TRPC6: variants seen among roughly 807,000 people sequenced by gnomAD.
The protein encoded by TRPC6 is short transient receptor potential channel 6.
A neutral mutation model predicts 90.7 loss-of-function variants in TRPC6; 55 were observed. The ratio of observed to expected loss-of-function variants is 0.61; its 90% confidence interval spans 0.49 to 0.76. The LOEUF (loss-of-function observed/expected upper bound fraction) is 0.76, where lower values mean the gene tolerates loss of function less well. Among genes scored for constraint, TRPC6 ranks in the 30% least tolerant of loss-of-function variants. The pLI, the probability that TRPC6 is intolerant of heterozygous loss-of-function variation, is 0.00. For missense variants in TRPC6, 989 were observed against 1,122.7 expected, an observed-to-expected ratio of 0.88 and a Z score of 1.70; for synonymous variants, 393 against 393.0, an observed-to-expected ratio of 1.00 and a Z score of 0.00.
intron 1 of TRPC6, among the ~76,000 whole-genome samples, chr11:101,581,628 CAA>C (rs1862198542): frequency 6.6e-6 from 1 of 152,196 alleles, no homozygotes; most frequent in Non-Finnish European, 1.5e-5. Context: ...CAAGTTTAAC[CAA>C]TAAAAATTCC....
chr11:101,476,290 T>TATTTACAGTA lies in TRPC6; in HGVS notation c.1744+10_1744+11insTACTGTAAAT. The TATTTACAGTA allele has an allele frequency of 1.2e-6, 2 of 1,611,746 alleles. No individual in the cohort carries two copies. Among genetic ancestry groups the TATTTACAGTA allele is most frequent in the South Asian group, 2.2e-5 (2 of 91,008 alleles). ...GCATTTTTATTTATATTGACTGTAC[T>TATTTACAGTA]GTAAACTCACCCAAATTGTAGTATT... On this transcript the variant is annotated intron_variant, in intron 6 of 12. Transcript: ENST00000344327.
intron 1 of TRPC6, among the ~76,000 whole-genome samples, chr11:101,549,961 AG>A (rs1265443670): frequency 3.3e-5 from 5 of 151,580 alleles, no homozygotes; most frequent in Non-Finnish European, 5.9e-5. Flanking sequence ...TGATATCAAA[AG>A]TATACAAGAC....
intron 1 of TRPC6, among the ~76,000 whole-genome samples, chr11:101,512,088 AC>A (rs1244063705): frequency 3.9e-5 from 6 of 152,266 alleles, no homozygotes; most frequent in Non-Finnish European, 8.8e-5. Flanking sequence ...GAGAGTGAGC[AC>A]CCATCTTCAC....
At chr11:101,460,007 T>C (rs1342475443) in intron 10 of TRPC6, among the ~76,000 whole-genome samples, 2 of 152,216 alleles carry the variant, frequency 1.3e-5, no homozygotes, top group African/African-American at 4.8e-5. Flanking sequence ...AATGAATTGC[T>C]GAAGGGGCAG....
At position 101,504,268 on chromosome 11, in the gene TRPC6, A is replaced by G; in HGVS notation, c.701T>C (p.Ile234Thr). The change falls in exon 2 of 13, where the codon ATT becomes ACT. Residue 234 changes from isoleucine to threonine, a missense_variant. Ile to Thr is a moderately conservative substitution (Grantham distance 89). This residue lies in a region of TRPC6 where 486 missense variants were observed against 591.9 expected (regional missense o/e 0.82). Coordinates refer to ENST00000344327, the MANE Select transcript of TRPC6 (RefSeq NM_004621.6). ...ILAAHCQEYEIVHTLLRKGAR... is the reference protein window; with the variant it reads ...ILAAHCQEYETVHTLLRKGAR... ...ACCCTTCCGCAGGAGGGTATGCACA[A>G]TTTCATATTCCTGGCAGTGGGCAGC... The G allele has an allele frequency of 6.2e-7, 1 of 1,613,276 alleles. No individual in the cohort carries two copies. The highest frequency in any genetic ancestry group is 8.5e-7 in the Non-Finnish European group (1 of 1,179,272).
In TRPC6 at chr11:101,583,416, C is replaced by G. The variant is rs1394618815; in HGVS notation, c.88G>C (p.Asp30His). The change falls in exon 1 of 13, where the codon GAC becomes CAC. Residue 30 changes from aspartate (D) to histidine (H), a missense_variant. This residue lies in a region of TRPC6 where 194 missense variants were observed against 136.5 expected (regional missense o/e 1.42). Coordinates refer to ENST00000344327, the MANE Select transcript of TRPC6 (RefSeq NM_004621.6). The part of the protein sequence containing the change: ...GAAARRNESQ[D>H]YLLMDSELGE... ...AGCTCCGAGTCCATGAGCAGATAGT[C>G]CTGGCTCTCGTTGCGCCGCGCAGCG... 1 of 1,574,696 alleles carries G rather than the reference C, an allele frequency of 6.4e-7. No homozygotes were observed. Among genetic ancestry groups the G allele is most frequent in the Non-Finnish European group, 8.6e-7 (1 of 1,159,954 alleles).
At chr11:101,472,982 A>G (rs1859329244) in intron 7 of TRPC6, among the ~76,000 whole-genome samples, 1 of 151,614 alleles carries the variant, frequency 6.6e-6, no homozygotes, top group African/African-American at 2.4e-5. Context: ...AAAAAAAAAC[A>G]CGTGTCCATG....
intron 1 of TRPC6, among the ~76,000 whole-genome samples, chr11:101,507,208 A>C (rs1317407285): frequency 6.6e-6 from 1 of 152,044 alleles, no homozygotes; most frequent in Non-Finnish European, 1.5e-5. Context: ...ATAACCTTAA[A>C]CCTAATAGAT....
intron 3 of TRPC6, 136 bp downstream of exon 3, chr11:101,491,420 C>G: frequency 2.6e-6 from 3 of 1,154,068 alleles, no homozygotes; most frequent in Non-Finnish European, 3.6e-6. Context: ...GGCGACAGAG[C>G]GAGACTCCAT....
chr11:101,464,041 T>A (rs148953346), intron 10 of TRPC6, among the ~76,000 whole-genome samples: 1 of 152,230 alleles, frequency 6.6e-6, no homozygotes, highest in African/African-American at 2.4e-5. Context: ...ACATCTTTAT[T>A]TCTGCCTTCA....
intron 11 of TRPC6, 52 bp downstream of exon 11, chr11:101,454,966 A>G: frequency 3.5e-6 from 5 of 1,416,800 alleles, no homozygotes; most frequent in Non-Finnish European, 5.0e-6. Flanking sequence ...ATAGTTCAAG[A>G]ACCTAAATAT....
chr11:101,478,375 G>T (rs555459846), intron 5 of TRPC6, among the ~76,000 whole-genome samples: 2 of 152,188 alleles, frequency 1.3e-5, no homozygotes, highest in Admixed American at 1.3e-4. Flanking sequence ...GTGGTCCCCG[G>T]GCTCCTGTCA....
Position 101,455,049 on chromosome 11 carries a change from T to C in TRPC6, c.2537A>G (p.Asn846Ser), listed in dbSNP as rs367972007. The C allele has an allele frequency of 5.6e-6, 9 of 1,612,552 alleles. No individual in the cohort carries two copies. Among genetic ancestry groups the C allele is most frequent in the Non-Finnish European group, 7.6e-6 (9 of 1,179,110 alleles). The change falls in exon 11 of 13, where the codon AAT (asparagine) becomes AGT (serine). Residue 846 changes from asparagine (N) to serine (S), a missense_variant. Asn to Ser is a conservative substitution (Grantham distance 46, BLOSUM62 1). This residue lies in a region of TRPC6 where 191 missense variants were observed against 196.7 expected (regional missense o/e 0.97). Coordinates refer to ENST00000344327, the MANE Select transcript of TRPC6 (RefSeq NM_004621.6). ...SIRSSEDFHL[N>S]SFNNPPRQYQ... Reference sequence around the variant, plus strand: ...TTGTCTTGGAGGATTATTGAAACTATTTAGATGGAAATCTTCTGAGCTCCT... The same window carrying C: ...TTGTCTTGGAGGATTATTGAAACTACTTAGATGGAAATCTTCTGAGCTCCT...
At chr11:101,536,726 T>C (rs1861057398) in intron 1 of TRPC6, among the ~76,000 whole-genome samples, 1 of 152,146 alleles carries the variant, frequency 6.6e-6, no homozygotes, top group South Asian at 2.1e-4. Flanking sequence ...GCTCAGTCAT[T>C]AGTCAGGGGC....
At chr11:101,529,568 C>G (rs1473776858) in intron 1 of TRPC6, among the ~76,000 whole-genome samples, 1 of 152,184 alleles carries the variant, frequency 6.6e-6, no homozygotes, top group Non-Finnish European at 1.5e-5. Context: ...ATAGATCGTC[C>G]TACAGAATTT....
At chr11:101,516,512 T>C (rs1274958820) in intron 1 of TRPC6, among the ~76,000 whole-genome samples, 1 of 152,204 alleles carries the variant, frequency 6.6e-6, no homozygotes, top group African/African-American at 2.4e-5. Context: ...CACTCTCTTA[T>C]TTTTTATAGC....
intron 5 of TRPC6, among the ~76,000 whole-genome samples, chr11:101,479,107 C>G (rs11224783): frequency 6.6e-6 from 1 of 152,010 alleles, no homozygotes; most frequent in African/African-American, 2.4e-5. Context: ...CCCCAGCCCC[C>G]TCAAGTGCTG....
At chr11:101,527,330 A>G (rs1860802390) in intron 1 of TRPC6, among the ~76,000 whole-genome samples, 3 of 152,290 alleles carry the variant, frequency 2.0e-5, no homozygotes, top group Non-Finnish European at 4.4e-5. Flanking sequence ...ACTTGAAATC[A>G]CTATATTTAA....
chr11:101,499,177 A>G (rs1350403419), intron 2 of TRPC6, among the ~76,000 whole-genome samples: 1 of 152,226 alleles, frequency 6.6e-6, no homozygotes, highest in East Asian at 1.9e-4. Context: ...ATGCTTTGTC[A>G]TGTATTGAAA....
Sources: allele counts gnomAD v4.1 joint callset (sites outside exome capture counted in the v4.1 genomes callset), GRCh38; gene constraint gnomAD v4.1.1; regional missense constraint gnomAD v4.1.1; transcripts MANE v1.5; gene names NCBI Gene and HGNC (gene_info 2026-07-23, HGNC 2026-07-21).